PITPNC1: variants seen among roughly 807,000 people sequenced by gnomAD.
The protein encoded by PITPNC1 is phosphatidylinositol transfer protein cytoplasmic 1.
In PITPNC1, 18 loss-of-function variants were observed where a neutral mutation model predicts 44.7. That is an observed-to-expected ratio of 0.40 (90% confidence interval 0.28 to 0.60). The LOEUF is 0.60. PITPNC1 is among the 20% of genes least tolerant of loss of function. PITPNC1 has a pLI of 0.39. For missense variants in PITPNC1, 290 were observed against 418.4 expected (o/e 0.69, Z 2.68); for synonymous variants, 141 against 149.6 (o/e 0.94, Z 0.42).
chr17:67,625,639 G>A (rs939529682), intron 5 of PITPNC1, among the ~76,000 whole-genome samples: 7 of 152,142 alleles, frequency 4.6e-5, no homozygotes, highest in African/African-American at 1.4e-4. Context: ...CATCAGGACC[G>A]CTGCCACTTC....
Position 67,679,058 on chromosome 17 carries a change from A to AAGCC in PITPNC1, c.682+3517_682+3520dup, listed in dbSNP as rs548782690. Among the ~76,000 whole-genome samples the AAGCC allele has an allele frequency of 2.2e-3, 335 of 152,334 alleles. 1 individual carries two copies. Among genetic ancestry groups the AAGCC allele is most frequent in the African/African-American group, 8.0e-3 (331 of 41,576 alleles). ...GGTCTAGCCCAGCAATTGTTTTAAC[A>AAGCC]AGCCCTCCAGATGGTTCTGTTGCTG... On this transcript the variant is annotated intron_variant, in intron 8 of 8. Coordinates refer to ENST00000581322, the MANE Select transcript of PITPNC1 (RefSeq NM_012417.4).
Position 67,630,221 on chromosome 17 carries a change from C to T in PITPNC1, c.367-1922C>T, listed in dbSNP as rs555518507. Among the ~76,000 whole-genome samples, 6 of 152,314 alleles carry T rather than the reference C, an allele frequency of 3.9e-5. No individual in the cohort carries two copies. In the East Asian group the frequency reaches 5.8e-4, roughly 15 times the overall value. On this transcript the variant is annotated intron_variant, in intron 5 of 8. Transcript: ENST00000581322. ...AATATTGCATTCTCTCCCGAAGAGT[C>T]AGATGTAATTAGTGTTAACTGTTGA...
intron 1 of PITPNC1, among the ~76,000 whole-genome samples, chr17:67,450,411 T>A (rs1489237163): frequency 1.3e-5 from 2 of 151,922 alleles, no homozygotes; most frequent in East Asian, 3.9e-4. Flanking sequence ...ACGTATAAGA[T>A]AAAAATTTAC....
At chr17:67,419,037 CT>C (rs1355760933) in intron 1 of PITPNC1, among the ~76,000 whole-genome samples, 1 of 152,130 alleles carries the variant, frequency 6.6e-6, no homozygotes, top group African/African-American at 2.4e-5. Context: ...CCACTGGTTA[CT>C]TTTATGAAAG....
chr17:67,600,080 A>C (rs1329339243), intron 5 of PITPNC1, among the ~76,000 whole-genome samples: 1 of 152,180 alleles, frequency 6.6e-6, no homozygotes, highest in African/African-American at 2.4e-5. Context: ...GTTTGAAAAA[A>C]GAGGCTGGAG....
chr17:67,498,559 C>G (rs139462566), intron 1 of PITPNC1, among the ~76,000 whole-genome samples: 1 of 152,256 alleles, frequency 6.6e-6, no homozygotes, highest in Non-Finnish European at 1.5e-5. Context: ...GGGTATATAA[C>G]CAGTAGTGGT....
chr17:67,379,443 A>T, intron 1 of PITPNC1: 4 of 864,614 alleles, frequency 4.6e-6, no homozygotes, highest in Non-Finnish European at 5.6e-6. Flanking sequence ...GCAAGTTTAC[A>T]AAACGCATCA....
chr17:67,450,432 T>G (rs2039159349), intron 1 of PITPNC1, among the ~76,000 whole-genome samples: 1 of 152,116 alleles, frequency 6.6e-6, no homozygotes, highest in Admixed American at 6.5e-5. Flanking sequence ...CATTTTAAGT[T>G]TCTTTTTTTT....
intron 1 of PITPNC1, among the ~76,000 whole-genome samples, chr17:67,462,331 A>G (rs2039352494): frequency 6.9e-6 from 1 of 144,612 alleles, no homozygotes; most frequent in South Asian, 2.2e-4. Context: ...TCCTGGGTTC[A>G]AGCAATTCTC....
intron 5 of PITPNC1, among the ~76,000 whole-genome samples, chr17:67,583,587 C>CAA (rs34025821): frequency 5.0e-5 from 6 of 119,320 alleles, no homozygotes; most frequent in African/African-American, 1.5e-4. Context: ...GACTCCTTCT[C>CAA]AAAAAAAAAA....
Position 67,628,760 on chromosome 17 carries a change from C to T in PITPNC1, c.367-3383C>T, listed in dbSNP as rs372126366. On this transcript the variant is annotated intron_variant, in intron 5 of 8. Transcript: ENST00000581322. The stretch of plus-strand genomic sequence containing the variant: ...GCAGTGCCTGCAGCAGGAGGGCCAC[C>T]GTGAAGTGGTTACTGGGCCCAGGCT... Among the ~76,000 whole-genome samples the T allele has an allele frequency of 1.1e-4, 17 of 152,124 alleles. 1 individual carries two copies. The highest frequency in any genetic ancestry group is 3.9e-4 in the African/African-American group (16 of 41,412).
chr17:67,632,718 C>A (rs2041987223), intron 6 of PITPNC1, among the ~76,000 whole-genome samples: 1 of 152,028 alleles, frequency 6.6e-6, no homozygotes, highest in Non-Finnish European at 1.5e-5. Flanking sequence ...CAGGCGCCCA[C>A]CACCATACCT....
intron 8 of PITPNC1, among the ~76,000 whole-genome samples, chr17:67,679,747 T>C (rs995499376): frequency 2.6e-5 from 4 of 152,242 alleles, no homozygotes; most frequent in Non-Finnish European, 5.9e-5. Flanking sequence ...GATTGGTCTT[T>C]ATCCATGAGC....
intron 4 of PITPNC1, among the ~76,000 whole-genome samples, chr17:67,569,046 C>T (rs558648464): frequency 2.6e-5 from 4 of 152,052 alleles, no homozygotes; most frequent in Non-Finnish European, 4.4e-5. Flanking sequence ...CAGACCCATC[C>T]CCAGGGCCCC....
At chr17:67,391,069 G>A (rs541763214) in intron 1 of PITPNC1, among the ~76,000 whole-genome samples, 16 of 151,830 alleles carry the variant, frequency 1.1e-4, no homozygotes, top group Non-Finnish European at 1.8e-4. Context: ...GCGTGTGTGT[G>A]TGTGTGTGTG....
chr17:67,480,868 G>T (rs2039691965), intron 1 of PITPNC1, among the ~76,000 whole-genome samples: 1 of 152,084 alleles, frequency 6.6e-6, no homozygotes, highest in Non-Finnish European at 1.5e-5. Context: ...TGGGTAGAAG[G>T]CTAAGCTGCT....
intron 1 of PITPNC1, among the ~76,000 whole-genome samples, chr17:67,417,715 A>T (rs771033718): frequency 7.9e-5 from 12 of 152,106 alleles, no homozygotes; most frequent in Non-Finnish European, 1.2e-4. Flanking sequence ...ACCATTGAAA[A>T]GGTTTCCCTC....
intron 1 of PITPNC1, among the ~76,000 whole-genome samples, chr17:67,388,777 C>T (rs977996457): frequency 1.3e-5 from 2 of 152,002 alleles, no homozygotes; most frequent in African/African-American, 4.8e-5. Flanking sequence ...AGCACCACCA[C>T]ACCTGGCTGG....
rs889756218 is a variant in PITPNC1, at chr17:67,408,508, C to A, written c.48+30306C>A. 3.3e-5 allele frequency among the ~76,000 whole-genome samples: 5 copies of A among 152,140 alleles called. No individual in the cohort carries two copies. The East Asian group carries it at 7.8e-4, about 24-fold the overall frequency. On this transcript the variant is annotated intron_variant, in intron 1 of 8. Transcript: ENST00000581322. ...TCGTGCCACTACACTCCAGCCTGGA[C>A]GACAGAGTGAGACTCCGTCTCAAAA... is the stretch of plus-strand genomic sequence containing the variant.
Sources: allele counts gnomAD v4.1 joint callset (sites outside exome capture counted in the v4.1 genomes callset), GRCh38; gene constraint gnomAD v4.1.1; transcripts MANE v1.5; gene names NCBI Gene and HGNC (gene_info 2026-07-23, HGNC 2026-07-21).